NPHP1: variants seen among roughly 807,000 people sequenced by gnomAD.
The protein encoded by NPHP1 is nephrocystin-1.
In NPHP1, 70 loss-of-function variants were observed where a neutral mutation model predicts 90.4. That is an observed-to-expected ratio of 0.77 (90% CI 0.64 to 0.95). NPHP1 has a LOEUF of 0.95. Ranked by LOEUF, NPHP1 falls within the 40% of genes least tolerant of loss-of-function variation. NPHP1 has a pLI of 0.00. For synonymous variants in NPHP1, 256 were observed against 271.7 expected, an observed-to-expected ratio of 0.94 and a Z score of 0.57; for missense variants, 764 against 795.9, an observed-to-expected ratio of 0.96 and a Z score of 0.48.
intron 10 of NPHP1, 94 bp from the exon 11 acceptor site, chr2:110,160,349 A>C: frequency 9.7e-7 from 1 of 1,028,474 alleles, no homozygotes; most frequent in Non-Finnish European, 1.4e-6. Flanking sequence ...TGTATACAGA[A>C]TTTTTAAAAA....
chr2:110,196,053 A>G, intron 2 of NPHP1, among the ~76,000 whole-genome samples: 1 of 152,126 alleles, frequency 6.6e-6, no homozygotes. Flanking sequence ...TAAAAACCCT[A>G]GAAGAAAACC....
intron 17 of NPHP1, among the ~76,000 whole-genome samples, chr2:110,130,948 G>T (rs1466560663): frequency 2.0e-5 from 3 of 152,114 alleles, no homozygotes; most frequent in Admixed American, 6.6e-5. Context: ...TGTGTTTGAG[G>T]CCTGGGACGC....
chr2:110,141,972 CAAAAA>C (rs397934223), intron 16 of NPHP1, among the ~76,000 whole-genome samples: 1 of 94,270 alleles, frequency 1.1e-5, no homozygotes. Context: ...GACTCTGTCT[CAAAAA>C]AAAAAAAAAA....
At chr2:110,168,943 C>A (rs2104574984) in intron 5 of NPHP1, among the ~76,000 whole-genome samples, 1 of 152,066 alleles carries the variant, frequency 6.6e-6, no homozygotes, top group African/African-American at 2.4e-5. Flanking sequence ...TATAAATTCC[C>A]AAAGAATATC....
intron 7 of NPHP1, 89 bp from the exon 8 acceptor site, chr2:110,164,819 CA>C: frequency 8.4e-7 from 1 of 1,192,610 alleles, no homozygotes; most frequent in Non-Finnish European, 1.3e-6. Context: ...TGATAATCAT[CA>C]GTAAGTTTTG....
At chr2:110,125,954 C>A in intron 18 of NPHP1, 1 of 487,168 alleles carries the variant, frequency 2.1e-6, no homozygotes, top group Non-Finnish European at 3.7e-6. Flanking sequence ...AACACTAACA[C>A]ATCCATGAAA....
chr2:110,130,193 T>C (rs1036883474), intron 17 of NPHP1, among the ~76,000 whole-genome samples: 1 of 152,192 alleles, frequency 6.6e-6, no homozygotes, highest in Admixed American at 6.5e-5. Flanking sequence ...TACCATTACA[T>C]TGGTAACATG....
chr2:110,178,024 A>C, intron 4 of NPHP1: 1 of 236,702 alleles, frequency 4.2e-6, no homozygotes, highest in Non-Finnish European at 8.3e-6. Context: ...TACAGGTATG[A>C]GTCACCACAC....
intron 18 of NPHP1, chr2:110,128,240 C>T (rs1176553179): frequency 3.3e-5 from 5 of 152,040 alleles, no homozygotes; most frequent in African/African-American, 9.7e-5. Flanking sequence ...AGGAGTCACC[C>T]CCTAATATGC....
intron 19 of NPHP1, chr2:110,125,007 G>C: frequency 2.1e-6 from 1 of 483,560 alleles, no homozygotes; most frequent in Non-Finnish European, 3.5e-6. Flanking sequence ...CATAAATAAA[G>C]TTTTATAGGA....
At position 110,160,275 on chromosome 2, in the gene NPHP1, T is replaced by C; in HGVS notation, c.955-20A>G. On this transcript the variant is annotated intron_variant, in intron 10 of 19. Coordinates refer to ENST00000445609, the MANE Select transcript of NPHP1 (RefSeq NM_001128178.3). ...CCTAATCTGAAAGAAAAATTAGTTA[T>C]AAAAAAGTTTATTTTTATGATTTCT... 6.4e-7 allele frequency: 1 copy of C among 1,574,084 alleles called. No homozygotes were observed. Among genetic ancestry groups the C allele is most frequent in the Non-Finnish European group, 8.7e-7 (1 of 1,144,564 alleles).
intron 2 of NPHP1, among the ~76,000 whole-genome samples, chr2:110,182,408 G>T (rs1407479625): frequency 6.6e-6 from 1 of 150,750 alleles, no homozygotes; most frequent in African/African-American, 2.4e-5. Context: ...ACCTACAAAA[G>T]GAAGCTCATC....
intron 16 of NPHP1, among the ~76,000 whole-genome samples, chr2:110,134,851 T>C (rs1486864949): frequency 3.9e-5 from 6 of 152,062 alleles, no homozygotes; most frequent in Admixed American, 3.3e-4. Context: ...AAAGGCCATA[T>C]ATGAAAAGCC....
chr2:110,167,597 T>G (rs932463339), intron 6 of NPHP1, among the ~76,000 whole-genome samples: 1 of 152,044 alleles, frequency 6.6e-6, no homozygotes, highest in African/African-American at 2.4e-5. Context: ...TATAATAAAC[T>G]GGTAAATGCA....
At chr2:110,149,076 T>C (rs1386636087) in intron 12 of NPHP1, among the ~76,000 whole-genome samples, 3 of 152,138 alleles carry the variant, frequency 2.0e-5, no homozygotes, top group African/African-American at 7.2e-5. Flanking sequence ...CTACTCTGAT[T>C]AAATAAGGTA....
chr2:110,146,216 G>C (rs1681034283), intron 14 of NPHP1, among the ~76,000 whole-genome samples: 1 of 152,080 alleles, frequency 6.6e-6, no homozygotes, highest in Non-Finnish European at 1.5e-5. Context: ...AAATTTAGAT[G>C]ATCTTTTTCT....
At chr2:110,143,397 C>T (rs1574083824) in intron 16 of NPHP1, 145 bp downstream of exon 16, 1 of 672,572 alleles carries the variant, frequency 1.5e-6, no homozygotes, top group Middle Eastern at 2.5e-4. Flanking sequence ...TACCCATTTC[C>T]CTACTGACCT....
At chr2:110,144,382 A>G (rs1680863329) in intron 15 of NPHP1, 111 bp downstream of exon 15, 2 of 706,944 alleles carry the variant, frequency 2.8e-6, no homozygotes. Flanking sequence ...CATATTTTTA[A>G]AAGTGTGAAT....
intron 9 of NPHP1, 33 bp downstream of exon 9, chr2:110,163,015 G>C (rs1559074092): frequency 6.8e-7 from 1 of 1,465,390 alleles, no homozygotes; most frequent in Admixed American, 1.7e-5. Flanking sequence ...CTGCTTTGCT[G>C]AAAGAGTGCA....
Sources: allele counts gnomAD v4.1 joint callset (sites outside exome capture counted in the v4.1 genomes callset), GRCh38; gene constraint gnomAD v4.1.1; transcripts MANE v1.5; gene names NCBI Gene and HGNC (gene_info 2026-07-23, HGNC 2026-07-21).